The following PTPRD variants were observed in gnomAD, a reference collection of about 807,000 sequenced individuals.
The protein encoded by PTPRD is receptor-type tyrosine-protein phosphatase delta.
PTPRD carries 34 observed loss-of-function variants against 214.5 expected under a neutral mutation model. The observed-to-expected ratio is 0.16, with a 90% confidence interval of 0.12 to 0.21. PTPRD has a LOEUF of 0.21. Ranked by LOEUF, PTPRD falls within the 10% of genes least tolerant of loss-of-function variation. The pLI, the probability that PTPRD is intolerant of heterozygous loss-of-function variation, is 1.00. For synonymous variants in PTPRD, 1,128 were observed against 845.7 expected, an observed-to-expected ratio of 1.33 and a Z score of -5.79; for missense variants, 2,545 against 2,398.7, an observed-to-expected ratio of 1.06 and a Z score of -1.27.
intron 7 of PTPRD, among the ~76,000 whole-genome samples, chr9:9,625,977 G>A (rs1294275364): frequency 1.3e-5 from 2 of 152,134 alleles, no homozygotes; most frequent in African/African-American, 2.4e-5. Context: ...TGCAACTACT[G>A]AGTTCTGCCT....
chr9:8,964,507 T>A (rs1007295157), intron 11 of PTPRD, among the ~76,000 whole-genome samples: 1 of 152,142 alleles, frequency 6.6e-6, no homozygotes, highest in East Asian at 1.9e-4. Context: ...AAAGAACCAA[T>A]TTTTGGTTTC....
intron 8 of PTPRD, among the ~76,000 whole-genome samples, chr9:9,415,012 T>G (rs1450002417): frequency 6.6e-6 from 1 of 152,228 alleles, no homozygotes; most frequent in Non-Finnish European, 1.5e-5. Context: ...TTTATAACTT[T>G]TAACGAGAGG....
At chr9:9,053,531 C>A (rs2099690484) in intron 10 of PTPRD, among the ~76,000 whole-genome samples, 1 of 152,028 alleles carries the variant, frequency 6.6e-6, no homozygotes, top group South Asian at 2.1e-4. Flanking sequence ...GATACTTATA[C>A]AAAATTAGCT....
rs1166646230 is a variant in PTPRD, at chr9:9,613,122, GTATACATACATACATA to G, written c.-286-38357_-286-38342del. On this transcript the variant is annotated intron_variant, in intron 7 of 45. Transcript: ENST00000381196. ...CCATACATATAATAGCTAGGCTGCA[GTATACATACATACATA>G]TATATATATATATATATATATATAT... Among the ~76,000 whole-genome samples the G allele has an allele frequency of 1.6e-4, 11 of 68,150 alleles. 1 individual carries two copies. The highest frequency in any genetic ancestry group is 9.4e-4 in the African/African-American group (11 of 11,744). The allele number at this position is 68,150 out of a possible 152,430, so 44.7% of individuals were successfully genotyped here. A position where few individuals can be genotyped will look rare whatever the true frequency, so the allele number is the denominator to read the frequency against.
chr9:10,033,049 C>G (rs763901953), intron 4 of PTPRD, among the ~76,000 whole-genome samples: 2 of 151,264 alleles, frequency 1.3e-5, no homozygotes, highest in Non-Finnish European at 3.0e-5. Flanking sequence ...CTAATGGCAA[C>G]CTGGATGCGA....
At chr9:9,948,066 G>A (rs2093016493) in intron 4 of PTPRD, among the ~76,000 whole-genome samples, 1 of 151,926 alleles carries the variant, frequency 6.6e-6, no homozygotes, top group Admixed American at 6.6e-5. Flanking sequence ...AGAGGAAAAA[G>A]GAGAAAGCTC....
At chr9:10,077,010 A>G (rs1268447850) in intron 3 of PTPRD, among the ~76,000 whole-genome samples, 1 of 152,158 alleles carries the variant, frequency 6.6e-6, no homozygotes, top group African/African-American at 2.4e-5. Flanking sequence ...GCAAAACAAA[A>G]TCTGATGTCC....
intron 11 of PTPRD, among the ~76,000 whole-genome samples, chr9:8,795,599 A>T (rs997660278): frequency 6.6e-6 from 1 of 151,470 alleles, no homozygotes; most frequent in African/African-American, 2.4e-5. Flanking sequence ...TGGGTTGTGG[A>T]GACGGAGTAA....
At chr9:9,095,303 A>C (rs1569539614) in intron 10 of PTPRD, among the ~76,000 whole-genome samples, 1 of 152,148 alleles carries the variant, frequency 6.6e-6, no homozygotes. Context: ...TAGAAAGAAA[A>C]AAATAAAATG....
chr9:8,704,714 G>C (rs2098165615), intron 12 of PTPRD, among the ~76,000 whole-genome samples: 1 of 151,086 alleles, frequency 6.6e-6, no homozygotes, highest in African/African-American at 2.4e-5. Flanking sequence ...GGATCACGAG[G>C]TCAGGAGTCG....
At chr9:8,336,881 A>G (rs1167453144) in intron 43 of PTPRD, among the ~76,000 whole-genome samples, 1 of 152,222 alleles carries the variant, frequency 6.6e-6, no homozygotes, top group African/African-American at 2.4e-5. Context: ...AGAAATGCAA[A>G]TCAAAACCAC....
chr9:8,636,901 C>A (rs2154328668), intron 12 of PTPRD, 57 bp from the exon 13 acceptor site: 1 of 1,557,376 alleles, frequency 6.4e-7, no homozygotes. Context: ...AGACTATTAT[C>A]CTACTACCGC....
At chr9:9,066,562 A>C (rs2099734757) in intron 10 of PTPRD, among the ~76,000 whole-genome samples, 1 of 67,148 alleles carries the variant, frequency 1.5e-5, no homozygotes, top group Non-Finnish European at 4.1e-5. Context: ...AACAACAACA[A>C]AAAGTTTTGC....
intron 10 of PTPRD, among the ~76,000 whole-genome samples, chr9:9,021,318 T>A (rs1569440489): frequency 2.0e-5 from 3 of 152,178 alleles, no homozygotes; most frequent in Non-Finnish European, 2.9e-5. Flanking sequence ...GCTGTTGTAA[T>A]GTTATAGCAC....
At chr9:10,521,672 C>T (rs548643156) in intron 2 of PTPRD, among the ~76,000 whole-genome samples, 45 of 152,230 alleles carry the variant, frequency 3.0e-4, no homozygotes, top group African/African-American at 1.0e-3. Context: ...TAACCTTCGA[C>T]AACCACCACC....
chr9:9,400,936 T>C (rs2070157157), intron 8 of PTPRD, among the ~76,000 whole-genome samples: 1 of 152,092 alleles, frequency 6.6e-6, no homozygotes, highest in South Asian at 2.1e-4. Context: ...GTCTATTTTC[T>C]ATAAAAGAAT....
chr9:9,643,508 T>G (rs935669641), intron 7 of PTPRD, among the ~76,000 whole-genome samples: 1 of 152,206 alleles, frequency 6.6e-6, no homozygotes, highest in Non-Finnish European at 1.5e-5. Flanking sequence ...TTTTTCTTCA[T>G]GAAGGAAACA....
intron 11 of PTPRD, among the ~76,000 whole-genome samples, chr9:8,881,243 C>T (rs1461092546): frequency 6.6e-6 from 1 of 152,124 alleles, no homozygotes; most frequent in African/African-American, 2.4e-5. Flanking sequence ...AGTCTAGTGA[C>T]AGATATTATT....
At chr9:9,898,818 T>TA (rs1162162603) in intron 5 of PTPRD, among the ~76,000 whole-genome samples, 2 of 152,114 alleles carry the variant, frequency 1.3e-5, no homozygotes, top group Non-Finnish European at 2.9e-5. Flanking sequence ...AGTGAATTTT[T>TA]AAAAAGACGT....
Sources: gnomAD v4.1 joint callset for allele counts (sites outside exome capture counted in the v4.1 genomes callset) on GRCh38, gnomAD v4.1.1 for gene constraint, MANE v1.5 for transcripts, NCBI Gene and HGNC (gene_info 2026-07-23, HGNC 2026-07-21) for gene names.